Variants in DPYSL5 observed in about 807,000 individuals in gnomAD.
DPYSL5 encodes dihydropyrimidinase-related protein 5.
Under a neutral mutation model 58.4 loss-of-function variants are expected in DPYSL5, and 9 were observed. The ratio of observed to expected loss-of-function variants is 0.15; its 90% CI spans 0.09 to 0.27. DPYSL5 has a LOEUF of 0.27. Among genes scored for constraint, DPYSL5 ranks in the 10% least tolerant of loss-of-function variants. DPYSL5 has a pLI of 1.00. For synonymous variants in DPYSL5, 293 were observed against 301.9 expected (o/e 0.97, Z 0.31); for missense variants, 499 against 770.6 (o/e 0.65, Z 4.17).
In DPYSL5 at chr2:26,947,264, T is replaced by A. The variant is rs966834939; in HGVS notation, c.*269T>A. ...TCTGGGGCCCAGGAAGCCCACACTA[T>A]GCACAGAGCCCAATGCATAGAGCCC... On this transcript the variant is annotated 3_prime_UTR_variant, in exon 13 of 13. Coordinates refer to ENST00000288699, the MANE Select transcript of DPYSL5 (RefSeq NM_020134.4). This position sits in a 1 kb window ranked among gnomAD's most constrained non-coding sequence, Gnocchi z 4.2. The A allele has an allele frequency of 2.3e-6, 1 of 428,286 alleles. No homozygotes were observed. Among genetic ancestry groups the A allele is most frequent in the African/African-American group, 2.0e-5 (1 of 50,334 alleles). 26.5% of individuals were successfully genotyped at this position (428,286 alleles called of 1,614,324 possible).
intron 2 of DPYSL5, among the ~76,000 whole-genome samples, chr2:26,899,491 C>T (rs980408592): frequency 6.6e-6 from 1 of 152,224 alleles, no homozygotes; most frequent in Non-Finnish European, 1.5e-5. Flanking sequence ...GCTGGCCTCT[C>T]CCCGGACATC....
chr2:26,932,215 A>AG (rs1558351758), intron 6 of DPYSL5, among the ~76,000 whole-genome samples: 21 of 146,574 alleles, frequency 1.4e-4, no homozygotes, highest in Non-Finnish European at 2.4e-4. Context: ...AAGAAAAGAA[A>AG]GAAAGAAAGA....
chr2:26,923,455 C>G (rs1343267348), intron 2 of DPYSL5, among the ~76,000 whole-genome samples: 1 of 152,144 alleles, frequency 6.6e-6, no homozygotes, highest in Non-Finnish European at 1.5e-5. Context: ...GGAAGCCACC[C>G]TATTGTGTAG....
chr2:26,883,061 G>A (rs1663614945), intron 1 of DPYSL5, among the ~76,000 whole-genome samples: 1 of 152,078 alleles, frequency 6.6e-6, no homozygotes, highest in African/African-American at 2.4e-5. Context: ...TATTTGACAT[G>A]TATTTGTATG....
chr2:26,880,759 T>C (rs1460581016), intron 1 of DPYSL5, among the ~76,000 whole-genome samples: 1 of 152,176 alleles, frequency 6.6e-6, no homozygotes, highest in Non-Finnish European at 1.5e-5. Flanking sequence ...TCAGAGTCCG[T>C]TCCTGTGGCT....
In DPYSL5 at chr2:26,892,756, T is replaced by TGAGAGAGAGAGAGAGAGAGAGA. The variant is rs144430871; in HGVS notation, c.-4-5723_-4-5702dup. On this transcript the variant is annotated intron_variant, in intron 1 of 12. Transcript: ENST00000288699. ...CTTTGCATAGAGCATTGGGTTTGTT[T>TGAGAGAGAGAGAGAGAGAGAGA]GAGAGAGAGAGAGAGAGAGAGAGAG... Among the ~76,000 whole-genome samples the TGAGAGAGAGAGAGAGAGAGAGA allele has an allele frequency of 4.8e-4, 66 of 138,824 alleles. 2 individuals are homozygous for TGAGAGAGAGAGAGAGAGAGAGA. Among genetic ancestry groups the TGAGAGAGAGAGAGAGAGAGAGA allele is most frequent in the East Asian group, 1.5e-3 (7 of 4,680 alleles). The allele number at this position is 138,824 out of a possible 152,430, so 91.1% of individuals were successfully genotyped here.
chr2:26,873,665 T>C (rs1320003687), intron 1 of DPYSL5, among the ~76,000 whole-genome samples: 1 of 152,228 alleles, frequency 6.6e-6, no homozygotes, highest in Non-Finnish European at 1.5e-5. Flanking sequence ...CCTGTTTCTG[T>C]ATGGTGCATA....
At chr2:26,946,587 A>G (rs1192216666) in intron 12 of DPYSL5, among the ~76,000 whole-genome samples, 1 of 152,226 alleles carries the variant, frequency 6.6e-6, no homozygotes, top group Non-Finnish European at 1.5e-5. Flanking sequence ...CCCATGTGCC[A>G]ACAGGCTGGC....
At chr2:26,931,199 G>GTTTATATATATATATATATATA in intron 5 of DPYSL5, among the ~76,000 whole-genome samples, 2 of 52,876 alleles carry the variant, frequency 3.8e-5, no homozygotes, top group East Asian at 1.2e-3. Flanking sequence ...GTGTGTGTGT[G>GTTTATATATATATATATATATA]TGTGTATATA....
intron 1 of DPYSL5, among the ~76,000 whole-genome samples, chr2:26,882,314 C>A: frequency 6.6e-6 from 1 of 152,042 alleles, no homozygotes. Flanking sequence ...GGCATGATCA[C>A]AGCTCACTGC....
intron 2 of DPYSL5, among the ~76,000 whole-genome samples, chr2:26,909,432 G>A (rs1664376485): frequency 6.6e-6 from 1 of 151,998 alleles, no homozygotes; most frequent in East Asian, 1.9e-4. Flanking sequence ...AGACTTAAAC[G>A]ATCCACAGTA....
rs1252092664 is a variant in DPYSL5 at position 26,898,712 on chromosome 2, G to C, written c.213G>C (p.Gln71His). 6.2e-7 allele frequency: 1 copy of C among 1,613,828 alleles called. No individual in the cohort carries two copies. Among genetic ancestry groups the C allele is most frequent in the South Asian group, 1.1e-5 (1 of 91,080 alleles). Residue 71 changes from glutamine to histidine, a missense_variant, in exon 2 of 13, where the codon CAG becomes CAC. This residue lies in a region of DPYSL5 where 404 missense variants were observed against 647.6 expected (regional missense o/e 0.62). Transcript: ENST00000288699. The surrounding 1 kb of genome is among the most constrained non-coding windows in gnomAD (Gnocchi z 6.1). ...GGIDTSTHFH[Q>H]TFMNATCVDD... Reference sequence around the variant, plus strand: ...TCGACACCAGCACCCACTTCCACCAGACCTTCATGAATGCCACGTGCGTGG... The same window carrying C: ...TCGACACCAGCACCCACTTCCACCACACCTTCATGAATGCCACGTGCGTGG...
intron 1 of DPYSL5, among the ~76,000 whole-genome samples, chr2:26,875,363 ACAG>A (rs1663385103): frequency 6.6e-6 from 1 of 152,228 alleles, no homozygotes; most frequent in African/African-American, 2.4e-5. Flanking sequence ...GAGTGCAGGC[ACAG>A]GTAGTGTGGG....
rs562405310 is a variant in DPYSL5 at position 26,894,600 on chromosome 2, G to A, written c.-4-3896G>A. Among the ~76,000 whole-genome samples, 108 of 152,122 alleles carry A rather than the reference G, an allele frequency of 7.1e-4. 1 individual carries two copies. The highest frequency in any genetic ancestry group is 1.4e-3 in the Non-Finnish European group (96 of 68,016). Reference sequence around the variant, plus strand: ...GCCATTATTCTATGCTACCTCCTTCGGGAGCTCACATCAAAAATAGTCCCT... The same window carrying A: ...GCCATTATTCTATGCTACCTCCTTCAGGAGCTCACATCAAAAATAGTCCCT... On this transcript the variant is annotated intron_variant, in intron 1 of 12. Coordinates refer to ENST00000288699, the MANE Select transcript of DPYSL5 (RefSeq NM_020134.4).
intron 2 of DPYSL5, among the ~76,000 whole-genome samples, chr2:26,909,292 C>T (rs969790171): frequency 1.2e-4 from 18 of 152,102 alleles, no homozygotes; most frequent in African/African-American, 3.9e-4. Flanking sequence ...TTGTTTCTCA[C>T]TCATATTGCA....
chr2:26,884,967 G>A (rs577207392), intron 1 of DPYSL5, among the ~76,000 whole-genome samples: 1 of 152,294 alleles, frequency 6.6e-6, no homozygotes, highest in South Asian at 2.1e-4. Flanking sequence ...GGGAGGCTGA[G>A]GCAGGCGGAT....
chr2:26,920,043 G>A (rs1664665413), intron 2 of DPYSL5, among the ~76,000 whole-genome samples: 1 of 152,030 alleles, frequency 6.6e-6, no homozygotes, highest in African/African-American at 2.4e-5. Flanking sequence ...TATAAATTTT[G>A]TATAAATTTT....
In DPYSL5 at chr2:26,865,372, G is replaced by A. The variant is rs1267965972; in HGVS notation, c.-5+17118G>A. On this transcript the variant is annotated intron_variant, in intron 1 of 12. Transcript: ENST00000288699. The stretch of plus-strand genomic sequence containing the variant: ...GTCTTGCTCTGTCACCCAGGCTGGA[G>A]TGCAGTGGCGCGATCTCAGCTCACT... 2.8e-5 allele frequency among the ~76,000 whole-genome samples: 4 copies of A among 144,668 alleles called. No individual in the cohort carries two copies. The East Asian group carries it at 8.3e-4, about 30-fold the overall frequency. 94.9% of individuals were successfully genotyped at this position (144,668 alleles called of 152,430 possible).
At chr2:26,890,546 C>T (rs1256096538) in intron 1 of DPYSL5, among the ~76,000 whole-genome samples, 1 of 152,152 alleles carries the variant, frequency 6.6e-6, no homozygotes, top group Non-Finnish European at 1.5e-5. Flanking sequence ...TGGAATTCAG[C>T]ACAATTGGGC....
Sources: gnomAD v4.1 joint callset for allele counts (sites outside exome capture counted in the v4.1 genomes callset) on GRCh38, gnomAD v4.1.1 for gene constraint, gnomAD v4.1.1 regional missense constraint, Gnocchi (gnomAD v3.1) non-coding constraint, MANE v1.5 for transcripts, NCBI Gene and HGNC (gene_info 2026-07-23, HGNC 2026-07-21) for gene names.